Variants in CNIH3 observed in about 807,000 individuals in gnomAD.
CNIH3 encodes protein cornichon homolog 3.
CNIH3 carries 14 observed loss-of-function variants against 24.1 expected under a neutral mutation model. The ratio of observed to expected loss-of-function variants is 0.58; its 90% CI spans 0.38 to 0.91. CNIH3 has a LOEUF of 0.91. Ranked by LOEUF, CNIH3 falls within the 40% of genes least tolerant of loss-of-function variation. The pLI is 0.00. For synonymous variants in CNIH3, 68 were observed against 73.8 expected, an observed-to-expected ratio of 0.92 and a Z score of 0.40; for missense variants, 178 against 196.8, an observed-to-expected ratio of 0.90 and a Z score of 0.57.
intron 1 of CNIH3, among the ~76,000 whole-genome samples, chr1:224,447,316 G>C (rs924599403): frequency 2.6e-5 from 4 of 152,182 alleles, no homozygotes; most frequent in Non-Finnish European, 4.4e-5. Context: ...GAGTCCCAAG[G>C]CCAGAGAGCC....
At chr1:224,519,972 C>T (rs934112693) in intron 1 of CNIH3, among the ~76,000 whole-genome samples, 1 of 152,166 alleles carries the variant, frequency 6.6e-6, no homozygotes, top group Non-Finnish European at 1.5e-5. Flanking sequence ...ATTTCCATCA[C>T]TGTAGAAAGT....
rs1558111650 is a variant in CNIH3 at position 224,501,527 on chromosome 1, T to TA, written n.204-14214_204-14213insA. Among the ~76,000 whole-genome samples the TA allele has an allele frequency of 6.1e-3, 590 of 96,466 alleles. 6 individuals are homozygous for TA. Among genetic ancestry groups the TA allele is most frequent in the African/African-American group, 0.017 (507 of 29,092 alleles). 63.3% of individuals were successfully genotyped at this position (96,466 alleles called of 152,430 possible). A position where few individuals can be genotyped will look rare whatever the true frequency, so the allele number is the denominator to read the frequency against. ...AACCTATATATATATATATATATAT[T>TA]TTTTTTTTTTAACCCCAGAGTTCAT... On this transcript the variant is annotated intron_variant and non_coding_transcript_variant, in intron 1 of 5. Coordinates refer to the CNIH3 transcript ENST00000471578.
intron 1 of CNIH3, among the ~76,000 whole-genome samples, chr1:224,495,912 A>T (rs1407387928): frequency 6.6e-6 from 1 of 152,116 alleles, no homozygotes; most frequent in African/African-American, 2.4e-5. Context: ...ACACAGTGAG[A>T]CCCCATCTCT....
intron 3 of CNIH3, among the ~76,000 whole-genome samples, chr1:224,715,603 AG>A (rs1688385810): frequency 6.6e-6 from 1 of 152,218 alleles, no homozygotes; most frequent in Non-Finnish European, 1.5e-5. Context: ...TCTGACCGAA[AG>A]GTTGGGCACC....
intron 1 of CNIH3, among the ~76,000 whole-genome samples, chr1:224,442,851 C>G (rs1462669378): frequency 6.6e-6 from 1 of 152,122 alleles, no homozygotes; most frequent in Non-Finnish European, 1.5e-5. Context: ...TGTTTAAATT[C>G]CTTAGGGGTT....
In CNIH3 at chr1:224,441,546, GTGT is replaced by G. The variant is rs747290802; in HGVS notation, n.203+6689_203+6691del. Reference sequence around the variant, plus strand: ...GTCTTCCTTCTTCTCAGTTTCGAATGTGTTGTTCATCCCTCTGACATTATGATA... The same window carrying G: ...GTCTTCCTTCTTCTCAGTTTCGAATGTGTTCATCCCTCTGACATTATGATA... On this transcript the variant is annotated intron_variant and non_coding_transcript_variant, in intron 1 of 5. Transcript: ENST00000471578. Among the ~76,000 whole-genome samples the G allele has an allele frequency of 4.2e-4, 64 of 152,328 alleles. No individual in the cohort carries two copies. The South Asian group carries it at 6.8e-3, about 16-fold the overall frequency.
rs181191357 is a variant in CNIH3, at chr1:224,479,366, C to A, written n.204-36375C>A. On this transcript the variant is annotated intron_variant and non_coding_transcript_variant, in intron 1 of 5. Transcript: ENST00000471578. ...ACGGAGTTTCTCCACGTTGGTCAGG[C>A]TGGTCTCAAACTCCTGACCTCAAGT... 6.6e-3 allele frequency among the ~76,000 whole-genome samples: 1,011 copies of A among 152,168 alleles called. 5 individuals carry two copies. The highest frequency in any genetic ancestry group is 0.034 in the Middle Eastern group (10 of 292).
At chr1:224,469,138 T>C (rs528241182) in intron 1 of CNIH3, among the ~76,000 whole-genome samples, 1 of 152,278 alleles carries the variant, frequency 6.6e-6, no homozygotes, top group African/African-American at 2.4e-5. Flanking sequence ...TGGAGTTTAG[T>C]GGTGCAATCA....
intron 3 of CNIH3, among the ~76,000 whole-genome samples, chr1:224,709,722 T>C (rs957238701): frequency 6.6e-6 from 1 of 152,124 alleles, no homozygotes. Flanking sequence ...GAAAAGTTGG[T>C]GGAAATTCCT....
chr1:224,479,555 A>G (rs1432631511), intron 1 of CNIH3, among the ~76,000 whole-genome samples: 1 of 152,266 alleles, frequency 6.6e-6, no homozygotes, highest in Admixed American at 6.5e-5. Context: ...AGCCTGTTAA[A>G]TCAAAAGCAA....
chr1:224,591,099 CTTA>C (rs1228388252), downstream of CNIH3, among the ~76,000 whole-genome samples: 7 of 152,172 alleles, frequency 4.6e-5, no homozygotes, highest in Admixed American at 4.6e-4. Context: ...TCCAGTTTCA[CTTA>C]TTATTCACTC....
chr1:224,562,032 A>C (rs1214666377), intron 3 of CNIH3, among the ~76,000 whole-genome samples: 1 of 152,222 alleles, frequency 6.6e-6, no homozygotes, highest in African/African-American at 2.4e-5. Context: ...TTGAGACTTG[A>C]TCACCATGTC....
chr1:224,484,027 C>G (rs545166953), intron 1 of CNIH3, among the ~76,000 whole-genome samples: 1 of 151,736 alleles, frequency 6.6e-6, no homozygotes, highest in Non-Finnish European at 1.5e-5. Context: ...AAAAATTAGC[C>G]GGGTGTGGTG....
intron 1 of CNIH3, among the ~76,000 whole-genome samples, chr1:224,653,641 G>A (rs540570624): frequency 3.9e-4 from 59 of 152,290 alleles, no homozygotes; most frequent in Non-Finnish European, 6.3e-4. Flanking sequence ...TCTCTCTTTA[G>A]TATTCACTCT....
At chr1:224,531,279 A>G (rs984230808) in intron 2 of CNIH3, among the ~76,000 whole-genome samples, 1 of 152,198 alleles carries the variant, frequency 6.6e-6, no homozygotes, top group African/African-American at 2.4e-5. Flanking sequence ...CCCTGCCCTC[A>G]TGAAGCCTGG....
At chr1:224,649,089 A>T (rs966494401) in intron 1 of CNIH3, among the ~76,000 whole-genome samples, 2 of 152,226 alleles carry the variant, frequency 1.3e-5, no homozygotes, top group Admixed American at 6.5e-5. Context: ...AAAGATGTTC[A>T]TGTCCTAATC....
At position 224,672,345 on chromosome 1, in the gene CNIH3, A is replaced by G. The variant is rs553770296; in HGVS notation, c.82-8613A>G. Among the ~76,000 whole-genome samples the G allele has an allele frequency of 3.3e-5, 5 of 152,340 alleles. No individual in the cohort carries two copies. The South Asian group carries it at 8.3e-4, about 25-fold the overall frequency. On this transcript the variant is annotated intron_variant, in intron 1 of 5. Coordinates refer to ENST00000272133, the MANE Select transcript of CNIH3 (RefSeq NM_152495.2). Reference sequence around the variant, plus strand: ...AAAAGCCATTCCTTCCAGATCTTAGATGACAGCAGCAGTAGTTTCAGGTAT... The same window carrying G: ...AAAAGCCATTCCTTCCAGATCTTAGGTGACAGCAGCAGTAGTTTCAGGTAT...
At chr1:224,515,516 T>G (rs1219345028), upstream of CNIH3, among the ~76,000 whole-genome samples, 14 of 152,230 alleles carry the variant, frequency 9.2e-5, no homozygotes, top group Non-Finnish European at 1.6e-4. Flanking sequence ...ATTTGAAAAC[T>G]TTTTGGCTGG....
intron 2 of CNIH3, among the ~76,000 whole-genome samples, chr1:224,536,594 A>G (rs1679296620): frequency 6.6e-6 from 1 of 152,010 alleles, no homozygotes; most frequent in Admixed American, 6.6e-5. Context: ...CCTGGCCCAT[A>G]ATTGTTTTAA....
Sources: allele counts gnomAD v4.1 joint callset (sites outside exome capture counted in the v4.1 genomes callset), GRCh38; gene constraint gnomAD v4.1.1; transcripts MANE v1.5; gene names NCBI Gene and HGNC (gene_info 2026-07-23, HGNC 2026-07-21).